Variants in REV1 observed in about 807,000 individuals in gnomAD.
The protein encoded by REV1 is translesion synthesis protein REV1.
Under a neutral mutation model 137.4 loss-of-function variants are expected in REV1, and 42 were observed. That is an observed-to-expected ratio of 0.31 (90% CI 0.24 to 0.40). REV1 has a LOEUF of 0.40. Ranked by LOEUF, REV1 falls within the 10% of genes least tolerant of loss-of-function variation. The probability of loss-of-function intolerance (pLI) is 1.00; values close to 1 mark genes in which losing one functional copy is unlikely to be tolerated. For synonymous variants in REV1, 524 were observed against 519.2 expected (o/e 1.01, Z -0.12); for missense variants, 1,282 against 1,490.1 (o/e 0.86, Z 2.30).
At chr2:99,435,973 A>G (rs747769273) in intron 6 of REV1, 32 bp from the exon 7 acceptor site, 57 of 1,240,138 alleles carry the variant, frequency 4.6e-5, no homozygotes, top group Non-Finnish European at 6.5e-5. Context: ...TCAAACCCCA[A>G]GCTAATTTTT....
intron 1 of REV1, among the ~76,000 whole-genome samples, chr2:99,485,290 ATTCT>A (rs1352596913): frequency 2.6e-5 from 4 of 152,332 alleles, no homozygotes; most frequent in African/African-American, 4.8e-5. Context: ...GTCTCCATCA[ATTCT>A]TTCTTCTCTT....
At chr2:99,469,209 C>CT (rs922908048) in intron 1 of REV1, among the ~76,000 whole-genome samples, 2 of 152,116 alleles carry the variant, frequency 1.3e-5, no homozygotes, top group Non-Finnish European at 2.9e-5. Flanking sequence ...AGCAGCCATG[C>CT]TTTTTTTCCC....
intron 14 of REV1, among the ~76,000 whole-genome samples, chr2:99,409,853 ACCCC>A (rs36096966): frequency 1.5e-4 from 12 of 78,542 alleles, no homozygotes; most frequent in African/African-American, 3.5e-4. Context: ...AAAACAAACA[ACCCC>A]CCCCCCCCCC....
chr2:99,448,344 T>C (rs947952069), intron 4 of REV1, among the ~76,000 whole-genome samples: 1 of 152,242 alleles, frequency 6.6e-6, no homozygotes, highest in African/African-American at 2.4e-5. Context: ...ATTGCTCATA[T>C]GTATTACATA....
At position 99,408,035 on chromosome 2, in the gene REV1, C is replaced by T. The variant is rs1676588552; in HGVS notation, c.2442G>A (p.Met814Ile). ...FHTMKLNISD[M>I]RGVGIHVNQL... The stretch of plus-strand genomic sequence containing the variant: ...AATGTTACTATATACTTACCCCTCT[C>T]ATATCTGATATATTTAGTTTCATTG... The change falls in exon 15 of 23, where the codon ATG (methionine) becomes ATA (isoleucine). Residue 814 changes from methionine (M) to isoleucine (I), a missense_variant. Met to Ile is a conservative substitution (Grantham distance 10). Around this residue, in one of 7 missense-constraint regions of REV1, gnomAD observed 372 missense variants for 482.3 expected, o/e 0.77. Transcript: ENST00000258428. 1 of 1,564,434 alleles carries T rather than the reference C, an allele frequency of 6.4e-7. No individual in the cohort carries two copies. Among genetic ancestry groups the T allele is most frequent in the Non-Finnish European group, 8.7e-7 (1 of 1,144,478 alleles).
intron 11 of REV1, 67 bp downstream of exon 11, chr2:99,421,432 T>C (rs1678659362): frequency 1.4e-6 from 2 of 1,470,090 alleles, no homozygotes; most frequent in Admixed American, 4.5e-5. Context: ...AAAAACTCCA[T>C]AAAATTAACT....
At chr2:99,437,990 C>T (rs1680976635) in intron 6 of REV1, among the ~76,000 whole-genome samples, 1 of 151,974 alleles carries the variant, frequency 6.6e-6, no homozygotes, top group African/African-American at 2.4e-5. Context: ...ATAAAAAAAT[C>T]CTATAATCTG....
intron 11 of REV1, 110 bp downstream of exon 11, chr2:99,421,389 C>T (rs772954741): frequency 2.1e-5 from 21 of 978,866 alleles, no homozygotes; most frequent in Admixed American, 9.9e-5. Flanking sequence ...ATGCTAAAAA[C>T]GGTTTTACAA....
intron 3 of REV1, among the ~76,000 whole-genome samples, chr2:99,458,274 AG>A (rs1683753934): frequency 6.6e-6 from 1 of 152,354 alleles, no homozygotes; most frequent in Admixed American, 6.5e-5. Context: ...TTAGAAAATG[AG>A]GAAAAAAATA....
rs1676235948 is a variant in REV1, at chr2:99,405,986, T to G, written c.2735A>C (p.Lys912Thr). 1 of 1,614,038 alleles carries G rather than the reference T, an allele frequency of 6.2e-7. No individual in the cohort carries two copies. The highest frequency in any genetic ancestry group is 2.2e-5 in the East Asian group (1 of 44,874). The stretch of plus-strand genomic sequence containing the variant: ...GACAGGAGTATGTAGACCATTCCAT[T>G]TCCCTGAAGACTCAGCCTTGTTAGT... ...PDTNKAESSG[K>T]WNGLHTPVSV... is the part of the protein sequence containing the mutation. Residue 912 changes from lysine to threonine, a missense_variant, in exon 17 of 23, where the codon AAA (lysine) becomes ACA (threonine). Coordinates refer to ENST00000258428, the MANE Select transcript of REV1 (RefSeq NM_016316.4).
intron 12 of REV1, among the ~76,000 whole-genome samples, 188 bp from the exon 13 acceptor site, chr2:99,413,139 T>TTA (rs1559300281): frequency 6.6e-6 from 1 of 152,202 alleles, no homozygotes; most frequent in Non-Finnish European, 1.5e-5. Flanking sequence ...TAGATGTATT[T>TTA]CTAGACTCTA....
chr2:99,458,935 G>A (rs374445801), intron 3 of REV1, among the ~76,000 whole-genome samples: 6 of 152,130 alleles, frequency 3.9e-5, no homozygotes, highest in Non-Finnish European at 7.4e-5. Context: ...GAGGCCGGGC[G>A]CGGTGGCTCA....
chr2:99,430,019 G>T (rs533293778), intron 8 of REV1, 71 bp from the exon 9 acceptor site: 93 of 898,090 alleles, frequency 1.0e-4, no homozygotes, highest in Non-Finnish European at 1.4e-4. Flanking sequence ...CAAGAAATTT[G>T]TTTTCCATTA....
chr2:99,407,928 T>C (rs1225786621), intron 15 of REV1, 101 bp downstream of exon 15: 1 of 576,578 alleles, frequency 1.7e-6, no homozygotes, highest in Non-Finnish European at 2.9e-6. Flanking sequence ...GACCTACATA[T>C]AAAGTCCCTA....
At chr2:99,407,915 A>G (rs958210160) in intron 15 of REV1, 114 bp downstream of exon 15, 1 of 510,292 alleles carries the variant, frequency 2.0e-6, no homozygotes, top group Non-Finnish European at 3.4e-6. Context: ...CAAAGCAGCT[A>G]AAGACCTACA....
Position 99,439,151 on chromosome 2 carries a change from G to C in REV1, c.663C>G (p.Ser221Arg). ...GAGTGTGTCCATTAAAAATGGCAGT[G>C]CTCCCTCTGGGATGCGGAATTCCAT... The part of the protein sequence containing the change: ...KQNGIPHPRG[S>R]TAIFNGHTPS... The change falls in exon 6 of 23, where the codon AGC becomes AGG. Residue 221 changes from serine to arginine, a missense_variant. Ser to Arg is a moderately radical substitution (Grantham distance 110). Around this residue, in one of 7 missense-constraint regions of REV1, gnomAD observed 432 missense variants for 438.0 expected, o/e 0.99. Transcript: ENST00000258428. The C allele has an allele frequency of 1.2e-6, 2 of 1,614,134 alleles. No individual in the cohort carries two copies. The highest frequency in any genetic ancestry group is 1.1e-5 in the South Asian group (1 of 91,080).
At chr2:99,407,080 C>CGTT (rs1676413285) in intron 15 of REV1, among the ~76,000 whole-genome samples, 1 of 60,026 alleles carries the variant, frequency 1.7e-5, no homozygotes, top group Non-Finnish European at 2.9e-5. Flanking sequence ...TACAAAGGTT[C>CGTT]TTTTTTTTTT....
At chr2:99,437,751 A>G (rs1680942104) in intron 6 of REV1, among the ~76,000 whole-genome samples, 1 of 152,222 alleles carries the variant, frequency 6.6e-6, no homozygotes, top group Admixed American at 6.5e-5. Flanking sequence ...AGGCCAAGAC[A>G]TGATGTAAGG....
At chr2:99,459,950 T>C (rs1314325631) in intron 3 of REV1, among the ~76,000 whole-genome samples, 1 of 152,160 alleles carries the variant, frequency 6.6e-6, no homozygotes, top group Non-Finnish European at 1.5e-5. Context: ...ACTTGGATTA[T>C]TACAGTTTGT....
Sources: allele counts gnomAD v4.1 joint callset (sites outside exome capture counted in the v4.1 genomes callset), GRCh38; gene constraint gnomAD v4.1.1; regional missense constraint gnomAD v4.1.1; transcripts MANE v1.5; gene names NCBI Gene and HGNC (gene_info 2026-07-23, HGNC 2026-07-21).